Variants in WRAP53 observed in about 807,000 individuals in gnomAD.
The protein encoded by WRAP53 is WD repeat containing antisense to TP53.
WRAP53 carries 28 observed loss-of-function variants against 56.6 expected under a neutral mutation model. The observed-to-expected ratio is 0.50, with a 90% CI of 0.37 to 0.68. WRAP53 has a LOEUF of 0.68. Ranked by LOEUF, WRAP53 falls within the 30% of genes least tolerant of loss-of-function variation. The pLI is 0.00. For missense variants in WRAP53, 671 were observed against 715.5 expected (o/e 0.94, Z 0.71); for synonymous variants, 283 against 283.4 (o/e 1.00, Z 0.01).
intron 4 of WRAP53, among the ~76,000 whole-genome samples, chr17:7,698,875 A>AAAATAAATAAAT (rs34271914): frequency 4.6e-4 from 68 of 147,350 alleles, no homozygotes; most frequent in African/African-American, 1.6e-3. Flanking sequence ...GACTCCGTCA[A>AAAATAAATAAAT]AAATAAATAA....
chr17:7,700,597 A>G (rs1021735999), intron 4 of WRAP53, 144 bp from the exon 5 acceptor site: 2 of 728,216 alleles, frequency 2.7e-6, no homozygotes, highest in African/African-American at 3.5e-5. Flanking sequence ...TAAATTTGAC[A>G]TTAAAGTCTG....
intron 4 of WRAP53, among the ~76,000 whole-genome samples, chr17:7,698,334 A>G (rs2074213959): frequency 6.6e-6 from 1 of 152,132 alleles, no homozygotes; most frequent in Non-Finnish European, 1.5e-5. Context: ...TATATTCATG[A>G]GTAGAGTACT....
intron 4 of WRAP53, among the ~76,000 whole-genome samples, chr17:7,699,979 T>C (rs989226234): frequency 6.6e-6 from 1 of 152,030 alleles, no homozygotes; most frequent in African/African-American, 2.4e-5. Flanking sequence ...GTGATCTGCC[T>C]GCCTCAGCCT....
At position 7,701,798 on chromosome 17, in the gene WRAP53, C is replaced by G; in HGVS notation, c.955+9C>G. 2.5e-6 allele frequency: 4 copies of G among 1,613,384 alleles called. No individual in the cohort carries two copies. The highest frequency in any genetic ancestry group is 3.4e-6 in the Non-Finnish European group (4 of 1,179,720). On this transcript the variant is annotated intron_variant, in intron 7 of 10. Coordinates refer to ENST00000396463, the MANE Select transcript of WRAP53 (RefSeq NM_001143992.2). The surrounding 1 kb of genome is among the most constrained non-coding windows in gnomAD (Gnocchi z 4.2). Reference sequence around the variant, plus strand: ...GGTCCGAGCCACATTTGGTAAGCATCTGTGCCTCCAAGGGAGGAGGAGAGG... The same window carrying G: ...GGTCCGAGCCACATTTGGTAAGCATGTGTGCCTCCAAGGGAGGAGGAGAGG...
At chr17:7,699,914 G>A (rs2074251981) in intron 4 of WRAP53, among the ~76,000 whole-genome samples, 1 of 149,518 alleles carries the variant, frequency 6.7e-6, no homozygotes, top group South Asian at 2.1e-4. Flanking sequence ...TTTTTTTCTT[G>A]TAGAGACAGT....
chr17:7,686,523 A>T (rs560379437), upstream of WRAP53: 1 of 152,344 alleles, frequency 6.6e-6, no homozygotes, highest in East Asian at 1.9e-4. Flanking sequence ...TAACTAAGTA[A>T]TCCAGAAAAA....
rs769658760 is a variant in WRAP53 at position 7,701,677 on chromosome 17, TTCGCTCTGCTTCTCCCCGGATGGC to T, written c.846_869del (p.Leu283_Ser290del). 2 of 1,614,240 alleles carry T rather than the reference TTCGCTCTGCTTCTCCCCGGATGGC, an allele frequency of 1.2e-6. No individual in the cohort carries two copies. Among genetic ancestry groups the T allele is most frequent in the South Asian group, 2.2e-5 (2 of 91,086 alleles). ...CCCAGGATGAGCTGACGGCAGCCCA[TTCGCTCTGCTTCTCCCCGGATGGC>T]TCCCAGCTCTTCTGTGGCTTCAACC... is the stretch of plus-strand genomic sequence containing the variant. On this transcript the variant is annotated inframe_deletion, in exon 7 of 11. Transcript: ENST00000396463. This position sits in a 1 kb window ranked among gnomAD's most constrained non-coding sequence, Gnocchi z 4.2.
chr17:7,703,368 T>C lies in WRAP53; in HGVS notation c.1529T>C (p.Leu510Pro). 6.2e-7 allele frequency: 1 copy of C among 1,613,934 alleles called. No homozygotes were observed. Among genetic ancestry groups the C allele is most frequent in the Non-Finnish European group, 8.5e-7 (1 of 1,179,956 alleles). ...TTGCTCTCCACGCGCCACGTCCACC[T>C]TGAATGTCGGCTTCAGCTCTGGTGG... Reference protein sequence around the residue: ...LPLLSTRHVHLECRLQLWWCG... With the variant: ...LPLLSTRHVHPECRLQLWWCG... The change falls in exon 11 of 11, where the codon CTT (leucine) becomes CCT (proline). Residue 510 changes from leucine (L) to proline (P), a missense_variant. Coordinates refer to ENST00000396463, the MANE Select transcript of WRAP53 (RefSeq NM_001143992.2).
chr17:7,689,434 C>G (rs2074077522), intron 3 of WRAP53, 112 bp downstream of exon 3: 5 of 1,294,004 alleles, frequency 3.9e-6, no homozygotes, highest in Non-Finnish European at 4.4e-6. Context: ...GCACGTAGCC[C>G]TTTTAGACTG....
intron 4 of WRAP53, among the ~76,000 whole-genome samples, chr17:7,700,122 C>A (rs1441286850): frequency 6.6e-6 from 1 of 151,666 alleles, no homozygotes; most frequent in Non-Finnish European, 1.5e-5. Flanking sequence ...GATCTCAGCT[C>A]ACTGCAACCT....
At chr17:7,691,390 G>GT (rs200960465) in intron 4 of WRAP53, among the ~76,000 whole-genome samples, 12,568 of 140,086 alleles carry the variant, frequency 0.09, 2,153 homozygotes, top group African/African-American at 0.31. Flanking sequence ...CATGAGAGAG[G>GT]TGTTTTTTTT....
intron 4 of WRAP53, among the ~76,000 whole-genome samples, chr17:7,699,066 G>T (rs887498493): frequency 2.6e-5 from 4 of 151,372 alleles, no homozygotes; most frequent in Admixed American, 1.3e-4. Flanking sequence ...TCTAAGAAAA[G>T]AAAAAATTAA....
At chr17:7,699,063 A>C (rs2074223449) in intron 4 of WRAP53, among the ~76,000 whole-genome samples, 1 of 151,814 alleles carries the variant, frequency 6.6e-6, no homozygotes, top group African/African-American at 2.4e-5. Flanking sequence ...GTCTCTAAGA[A>C]AAGAAAAAAT....
intron 4 of WRAP53, among the ~76,000 whole-genome samples, chr17:7,691,486 T>C (rs1402538263): frequency 6.7e-6 from 1 of 150,198 alleles, no homozygotes; most frequent in Non-Finnish European, 1.5e-5. Context: ...GCCTCCTGGA[T>C]TCAAGCGATT....
Position 7,703,309 on chromosome 17 carries a change from G to T in WRAP53, c.1470G>T (p.Glu490Asp), listed in dbSNP as rs142603882. ...AGCGTGTGTTTCCTGAGCCCACAGA[G>T]AGTGGGGACGAAGGAGAGGAGCTGG... is the stretch of plus-strand genomic sequence containing the variant. ...SGQRVFPEPT[E>D]SGDEGEELGL... The change falls in exon 11 of 11, where the codon GAG (glutamate) becomes GAT (aspartate). Residue 490 changes from glutamate to aspartate, a missense_variant. Around this residue, in one of 3 missense-constraint regions of WRAP53, gnomAD observed 107 missense variants for 81.3 expected, o/e 1.32. Coordinates refer to ENST00000396463, the MANE Select transcript of WRAP53 (RefSeq NM_001143992.2). 6.2e-7 allele frequency: 1 copy of T among 1,613,966 alleles called. No individual in the cohort carries two copies. Among genetic ancestry groups the T allele is most frequent in the Non-Finnish European group, 8.5e-7 (1 of 1,180,034 alleles).
At chr17:7,698,058 G>C (rs1212786923) in intron 4 of WRAP53, among the ~76,000 whole-genome samples, 2 of 152,060 alleles carry the variant, frequency 1.3e-5, no homozygotes, top group Non-Finnish European at 2.9e-5. Context: ...TAAAACTGGG[G>C]TCTTGCTATA....
chr17:7,692,899 G>A (rs1358163828), intron 4 of WRAP53, among the ~76,000 whole-genome samples: 10 of 151,044 alleles, frequency 6.6e-5, no homozygotes, highest in Non-Finnish European at 1.0e-4. Context: ...GACTACAGGC[G>A]CCCGCCACCA....
chr17:7,700,622 C>T, intron 4 of WRAP53, 119 bp from the exon 5 acceptor site: 1 of 764,142 alleles, frequency 1.3e-6, no homozygotes, highest in Non-Finnish European at 2.4e-6. Flanking sequence ...CACCCTTGAA[C>T]ATTGAGACAG....
rs1351786962 is a variant in WRAP53, at chr17:7,692,620, C to CG, written c.642+2919_642+2920insG. Among the ~76,000 whole-genome samples the CG allele has an allele frequency of 7.5e-4, 44 of 59,056 alleles. 1 individual carries two copies. The South Asian group carries it at 0.012, about 16-fold the overall frequency. The allele number at this position is 59,056 out of a possible 152,430, so 38.7% of individuals were successfully genotyped here. A position where few individuals can be genotyped will look rare whatever the true frequency, so the allele number is the denominator to read the frequency against. On this transcript the variant is annotated intron_variant, in intron 4 of 10. Transcript: ENST00000396463. ...CAGGCAACAGTGTAAGACTCCGTCT[C>CG]AAAAAAAAAAAAAAAAAAAAAAGAT...
Sources: gnomAD v4.1 joint callset for allele counts (sites outside exome capture counted in the v4.1 genomes callset) on GRCh38, gnomAD v4.1.1 for gene constraint, gnomAD v4.1.1 regional missense constraint, Gnocchi (gnomAD v3.1) non-coding constraint, MANE v1.5 for transcripts, NCBI Gene and HGNC (gene_info 2026-07-23, HGNC 2026-07-21) for gene names.